BSN: variants seen among roughly 807,000 people sequenced by gnomAD.
The protein encoded by BSN is bassoon presynaptic cytomatrix protein, also known as protein bassoon.
BSN carries 57 observed loss-of-function variants against 264.8 expected under a neutral mutation model. The observed-to-expected ratio is 0.22, with a 90% confidence interval of 0.17 to 0.27. BSN has a LOEUF of 0.27. BSN is among the 10% of genes least tolerant of loss of function. The pLI is 1.00. For missense variants in BSN, 4,615 were observed against 5,232.5 expected (o/e 0.88, Z 3.64); for synonymous variants, 2,059 against 2,137.3 (o/e 0.96, Z 1.01).
Position 49,655,831 on chromosome 3 carries a change from C to A in BSN, c.6275C>A (p.Ala2092Asp), listed in dbSNP as rs757496163. Residue 2092 changes from alanine (A) to aspartate (D), a missense_variant, in exon 5 of 12, where the codon GCC becomes GAC. Transcript: ENST00000296452. Reference sequence around the variant, plus strand: ...GAGGCCAGCCTGGCCCAGTACAGTGCCACCACAGCCCGTGAAATCAGTCGC... The same window carrying A: ...GAGGCCAGCCTGGCCCAGTACAGTGACACCACAGCCCGTGAAATCAGTCGC... ...FQEASLAQYS[A>D]TTAREISRMC... 4.3e-6 allele frequency: 7 copies of A among 1,613,334 alleles called. No homozygotes were observed. Among genetic ancestry groups the A allele is most frequent in the Non-Finnish European group, 5.9e-6 (7 of 1,180,012 alleles).
At chr3:49,613,648 C>T (rs1192936356) in intron 1 of BSN, among the ~76,000 whole-genome samples, 1 of 148,298 alleles carries the variant, frequency 6.7e-6, no homozygotes, top group African/African-American at 2.5e-5. Flanking sequence ...GTGTGTGCCA[C>T]CAGGCCTGGC....
chr3:49,554,785 TGGCCCCGGCCCCGGCCCC>T lies in BSN; in HGVS notation c.186_203del (p.Pro69_Gly74del), dbSNP rs761663390. ...GGTCGACCGCGGTACCACCGGTCCC[TGGCCCCGGCCCCGGCCCC>T]GGTCCCGGCCCTGGCCCGGGCAGGT... is the stretch of plus-strand genomic sequence containing the variant. On this transcript the variant is annotated inframe_deletion, in exon 1 of 12. Transcript: ENST00000296452. 1.2e-4 allele frequency: 141 copies of T among 1,211,506 alleles called. No homozygotes were observed. The South Asian group carries it at 4.6e-3, about 40-fold the overall frequency. The allele number at this position is 1,211,506 out of a possible 1,614,324, so 75.0% of individuals were successfully genotyped here. A position where few individuals can be genotyped will look rare whatever the true frequency, so the allele number is the denominator to read the frequency against.
intron 11 of BSN, among the ~76,000 whole-genome samples, chr3:49,667,064 GGGAAA>G (rs1288191179): frequency 6.6e-6 from 1 of 152,190 alleles, no homozygotes. Context: ...CTCCTGAGCA[GGGAAA>G]GGAAGCACAG....
intron 1 of BSN, among the ~76,000 whole-genome samples, chr3:49,561,484 A>G (rs1255473704): frequency 6.6e-6 from 1 of 152,180 alleles, no homozygotes; most frequent in African/African-American, 2.4e-5. Context: ...ATTTCCTAAT[A>G]GTTACACTGT....
chr3:49,651,794 C>G lies in BSN; in HGVS notation c.2238C>G (p.Ser746Arg). Residue 746 changes from serine (S) to arginine (R), a missense_variant, in exon 5 of 12, where the codon AGC becomes AGG. Transcript: ENST00000296452. The surrounding 1 kb of genome is among the most constrained non-coding windows in gnomAD (Gnocchi z 5.4). ...QAQGLAPSER[S>R]KPLSSGTGEE... ...AGGGCCTGGCCCCAAGTGAGCGGAG[C>G]AAGCCACTCTCCAGCGGTACTGGCG... 6.2e-7 allele frequency: 1 copy of G among 1,604,872 alleles called. No homozygotes were observed. Among genetic ancestry groups the G allele is most frequent in the Non-Finnish European group, 8.5e-7 (1 of 1,177,624 alleles).
At chr3:49,613,207 G>A (rs1320997667) in intron 1 of BSN, among the ~76,000 whole-genome samples, 5 of 151,232 alleles carry the variant, frequency 3.3e-5, no homozygotes, top group Non-Finnish European at 4.4e-5. Context: ...ACCCAAAAAC[G>A]TATCTTGGTG....
In BSN at chr3:49,656,724, C is replaced by A; in HGVS notation, c.7168C>A (p.Leu2390Met). The change falls in exon 5 of 12, where the codon CTG (leucine) becomes ATG (methionine). Residue 2390 changes from leucine (L) to methionine (M), a missense_variant. Physicochemically the swap from Leu to Met is conservative, Grantham distance 15. Coordinates refer to ENST00000296452, the MANE Select transcript of BSN (RefSeq NM_003458.4). ...GTTGGAGAAGCTGCGACAACTTCGG[C>A]TGCAAGAGGAGCTAGAGCGGGAACG... The part of the protein sequence containing the change: ...VELEKLRQLR[L>M]QEELERERVE... 1 of 1,578,204 alleles carries A rather than the reference C, an allele frequency of 6.3e-7. No individual in the cohort carries two copies. The highest frequency in any genetic ancestry group is 8.6e-7 in the Non-Finnish European group (1 of 1,161,464).
chr3:49,610,595 A>AC (rs1446767612), intron 1 of BSN, among the ~76,000 whole-genome samples: 2 of 151,418 alleles, frequency 1.3e-5, no homozygotes, highest in African/African-American at 2.4e-5. Flanking sequence ...AAAAAAAAAA[A>AC]AAAAAAAAAA....
At chr3:49,580,142 C>T (rs955861348) in intron 1 of BSN, among the ~76,000 whole-genome samples, 1 of 152,034 alleles carries the variant, frequency 6.6e-6, no homozygotes, top group African/African-American at 2.4e-5. Flanking sequence ...TACAGGGTCT[C>T]ATTATGTTCC....
intron 1 of BSN, among the ~76,000 whole-genome samples, chr3:49,584,617 T>C (rs2051920334): frequency 6.6e-6 from 1 of 152,220 alleles, no homozygotes; most frequent in African/African-American, 2.4e-5. Flanking sequence ...CATTTATCCT[T>C]TGAGTTACAA....
chr3:49,572,603 G>A (rs988627933), intron 1 of BSN, among the ~76,000 whole-genome samples: 1 of 152,108 alleles, frequency 6.6e-6, no homozygotes, highest in Non-Finnish European at 1.5e-5. Context: ...GCGCGATCTC[G>A]GCTCACGGCA....
chr3:49,582,092 C>A (rs1271279524), intron 1 of BSN, among the ~76,000 whole-genome samples: 2 of 152,110 alleles, frequency 1.3e-5, no homozygotes, highest in Non-Finnish European at 2.9e-5. Context: ...GCAGCTGTAC[C>A]GTTTTACATT....
rs1214346047 is a variant in BSN at position 49,653,115 on chromosome 3, G to T, written c.3559G>T (p.Ala1187Ser). Residue 1187 changes from alanine to serine, a missense_variant, in exon 5 of 12, where the codon GCT (alanine) becomes TCT (serine). Around this residue, in one of 3 missense-constraint regions of BSN, gnomAD observed 3,415 missense variants for 3,866.4 expected, o/e 0.88. Coordinates refer to ENST00000296452, the MANE Select transcript of BSN (RefSeq NM_003458.4). This position sits in a 1 kb window ranked among gnomAD's most constrained non-coding sequence, Gnocchi z 6.3. ...SGRPLKSAEEAYEEMMRKAEL... is the reference protein window; with the variant it reads ...SGRPLKSAEESYEEMMRKAEL... ...ACGGCCGCTCAAGAGCGCTGAGGAG[G>T]CTTATGAGGAGATGATGCGCAAAGC... The T allele has an allele frequency of 6.2e-7, 1 of 1,613,466 alleles. No individual in the cohort carries two copies. The highest frequency in any genetic ancestry group is 1.1e-5 in the South Asian group (1 of 91,082).
chr3:49,610,825 G>C (rs1245633955), intron 1 of BSN, among the ~76,000 whole-genome samples: 1 of 152,202 alleles, frequency 6.6e-6, no homozygotes, highest in East Asian at 1.9e-4. Context: ...TCTGGGGCCA[G>C]TCCAGTCCCC....
intron 2 of BSN, among the ~76,000 whole-genome samples, chr3:49,629,817 A>G (rs1410825995): frequency 1.3e-5 from 2 of 152,236 alleles, no homozygotes; most frequent in Non-Finnish European, 2.9e-5. Context: ...TGCTCTAGTC[A>G]GAATTACTTA....
intron 1 of BSN, among the ~76,000 whole-genome samples, chr3:49,561,817 T>C (rs2051713733): frequency 6.6e-6 from 1 of 151,150 alleles, no homozygotes; most frequent in Non-Finnish European, 1.5e-5. Context: ...TTTCTTTTCT[T>C]TTTTTTTTGA....
At position 49,654,362 on chromosome 3, in the gene BSN, G is replaced by A; in HGVS notation, c.4806G>A (p.Val1602=). ...HGYSQTTPPS[V]SQLPPEPPGP... Reference sequence around the variant, plus strand: ...ACAGCCAGACAACACCTCCGAGTGTGTCTCAGCTGCCCCCAGAGCCACCTG... The same window carrying A: ...ACAGCCAGACAACACCTCCGAGTGTATCTCAGCTGCCCCCAGAGCCACCTG... The change falls in exon 5 of 12, where the codon GTG becomes GTA. Residue 1602 remains valine (V), a synonymous_variant. Transcript: ENST00000296452. This position sits in a 1 kb window ranked among gnomAD's most constrained non-coding sequence, Gnocchi z 4.1. 6.2e-7 allele frequency: 1 copy of A among 1,611,702 alleles called. No individual in the cohort carries two copies. The highest frequency in any genetic ancestry group is 8.5e-7 in the Non-Finnish European group (1 of 1,179,230).
rs565906534 is a variant in BSN, at chr3:49,660,583, C to G, written c.8738C>G (p.Ala2913Gly). The stretch of plus-strand genomic sequence containing the variant: ...GCTCACCTTCCCCTGGCTGGCCAGG[C>G]CTCCCCACAGCTGTATGCAGCCAGC... ...EEAHLPLAGQ[A>G]SPQLYAASLL... Residue 2913 changes from alanine (A) to glycine (G), a missense_variant, in exon 6 of 12, where the codon GCC becomes GGC. Physicochemically the swap from Ala to Gly is moderately conservative, Grantham distance 60. Coordinates refer to ENST00000296452, the MANE Select transcript of BSN (RefSeq NM_003458.4). This position sits in a 1 kb window ranked among gnomAD's most constrained non-coding sequence, Gnocchi z 7.1. The G allele has an allele frequency of 1.1e-4, 170 of 1,609,530 alleles. 1 individual carries two copies. In the African/African-American group the frequency reaches 1.2e-3, roughly 11 times the overall value.
intron 1 of BSN, among the ~76,000 whole-genome samples, chr3:49,611,131 A>G (rs1352013531): frequency 3.9e-5 from 6 of 152,194 alleles, no homozygotes; most frequent in Non-Finnish European, 8.8e-5. Context: ...GGGCAGGACT[A>G]TGGGAAGTGG....
Sources: allele counts gnomAD v4.1 joint callset (sites outside exome capture counted in the v4.1 genomes callset), GRCh38; gene constraint gnomAD v4.1.1; regional missense constraint gnomAD v4.1.1; non-coding constraint Gnocchi (gnomAD v3.1); transcripts MANE v1.5; gene names NCBI Gene and HGNC (gene_info 2026-07-23, HGNC 2026-07-21).